The following DNM2 variants were observed in gnomAD, a reference collection of about 807,000 sequenced individuals.
DNM2 encodes the protein dynamin-2.
Under a neutral mutation model 99.0 loss-of-function variants are expected in DNM2, and 15 were observed. The observed-to-expected ratio is 0.15, with a 90% CI of 0.10 to 0.23. The LOEUF (loss-of-function observed/expected upper bound fraction) is 0.23, where lower values mean the gene tolerates loss of function less well. Among genes scored for constraint, DNM2 ranks in the 10% least tolerant of loss-of-function variants. The pLI, the probability that DNM2 is intolerant of heterozygous loss-of-function variation, is 1.00. For missense variants in DNM2, 742 were observed against 1,189.4 expected, an observed-to-expected ratio of 0.62 and a Z score of 5.53; for synonymous variants, 525 against 481.2, an observed-to-expected ratio of 1.09 and a Z score of -1.19.
At chr19:10,757,103 C>T (rs1298091351) in intron 1 of DNM2, among the ~76,000 whole-genome samples, 1 of 152,228 alleles carries the variant, frequency 6.6e-6, no homozygotes, top group Non-Finnish European at 1.5e-5. Flanking sequence ...CTGCCACCCT[C>T]AACCCCCCAG....
intron 1 of DNM2, among the ~76,000 whole-genome samples, chr19:10,737,487 T>G (rs987880638): frequency 3.3e-5 from 5 of 151,980 alleles, no homozygotes; most frequent in Non-Finnish European, 7.4e-5. Flanking sequence ...ATGCGTTTGG[T>G]TTCTTGTTTT....
chr19:10,771,243 G>A (rs760946635), intron 2 of DNM2, among the ~76,000 whole-genome samples: 3 of 152,180 alleles, frequency 2.0e-5, no homozygotes, highest in Admixed American at 1.3e-4. Context: ...GCCACCTTCC[G>A]TGATGAACAT....
chr19:10,729,164 CAAAAAAAAAAAAAAA>C (rs919370114), intron 1 of DNM2, among the ~76,000 whole-genome samples: 3 of 44,428 alleles, frequency 6.8e-5, no homozygotes, highest in East Asian at 9.9e-4. Context: ...GACTCCGTCT[CAAAAAAAAAAAAAAA>C]AAAAAAAAAA....
Position 10,776,049 on chromosome 19 carries a change from C to G in DNM2, c.589+143C>G, listed in dbSNP as rs1039079463. On this transcript the variant is annotated intron_variant, in intron 4 of 20. Coordinates refer to ENST00000389253, the MANE Select transcript of DNM2 (RefSeq NM_001005361.3). ...GGCCTCCTGGAACATGGCACTTCCT[C>G]CGAGAACCAGCAGTGCTGGTGGGCA... 3 of 1,091,474 alleles carry G rather than the reference C, an allele frequency of 2.7e-6. No individual in the cohort carries two copies. In the African/African-American group the frequency reaches 4.7e-5, roughly 17 times the overall value. 67.6% of individuals were successfully genotyped at this position (1,091,474 alleles called of 1,614,324 possible).
intron 5 of DNM2, among the ~76,000 whole-genome samples, chr19:10,778,317 G>A (rs561638852): frequency 6.6e-6 from 1 of 152,074 alleles, no homozygotes; most frequent in South Asian, 2.1e-4. Flanking sequence ...ACAGGTGTGA[G>A]CCACCGCACC....
chr19:10,777,194 C>T lies in DNM2; in HGVS notation c.666C>T (p.Asn222=), dbSNP rs2229921. 110 of 1,614,178 alleles carry T rather than the reference C, an allele frequency of 6.8e-5. 1 individual carries two copies. In the East Asian group the frequency reaches 1.7e-3, roughly 26 times the overall value. Residue 222 remains asparagine (N), a synonymous_variant, in exon 5 of 21, where the codon AAC becomes AAT. Transcript: ENST00000389253. ...EGTDARDVLE[N]KLLPLRRGYI... ...CCGACGCCAGGGACGTCTTGGAGAA[C>T]AAGTTGCTCCCGTTGAGAAGAGGTG...
At chr19:10,798,721 T>C in intron 11 of DNM2, 149 bp downstream of exon 11, 1 of 782,208 alleles carries the variant, frequency 1.3e-6, no homozygotes, top group Non-Finnish European at 2.2e-6. Context: ...CTAAAATCCC[T>C]GTCCCTATCA....
chr19:10,808,326 T>A (rs1265363515), intron 13 of DNM2, among the ~76,000 whole-genome samples: 4 of 152,178 alleles, frequency 2.6e-5, no homozygotes, highest in African/African-American at 7.2e-5. Context: ...GCGCTTGCCG[T>A]AGGTAATACA....
rs778429382 is a variant in DNM2 at position 10,765,237 on chromosome 19, C to T, written c.235+5426C>T. Among the ~76,000 whole-genome samples the T allele has an allele frequency of 4.6e-5, 7 of 152,316 alleles. No individual in the cohort carries two copies. In the South Asian group the frequency reaches 8.3e-4, roughly 18 times the overall value. ...CCTCCCAAAGTGCTGGGATTACAGG[C>T]GTGAGCCACCACGCCCGGCCTGTTT... On this transcript the variant is annotated intron_variant, in intron 2 of 20. Coordinates refer to ENST00000389253, the MANE Select transcript of DNM2 (RefSeq NM_001005361.3). The surrounding 1 kb of genome is among the most constrained non-coding windows in gnomAD (Gnocchi z 4.4).
Position 10,830,713 on chromosome 19 carries a change from G to A in DNM2, c.2544-265G>A, listed in dbSNP as rs1292558195. On this transcript the variant is annotated intron_variant, in intron 20 of 20. Transcript: ENST00000389253. This position sits in a 1 kb window ranked among gnomAD's most constrained non-coding sequence, Gnocchi z 4.8. Reference sequence around the variant, plus strand: ...CTGCTCCTGCCTGCCTCAACCTACCGTGGGCCAGGCTTTATTCTCCCCACT... The same window carrying A: ...CTGCTCCTGCCTGCCTCAACCTACCATGGGCCAGGCTTTATTCTCCCCACT... Among the ~76,000 whole-genome samples, 3 of 152,090 alleles carry A rather than the reference G, an allele frequency of 2.0e-5. No homozygotes were observed. Among genetic ancestry groups the A allele is most frequent in the East Asian group, 1.9e-4 (1 of 5,174 alleles).
rs2071977931 is a variant in DNM2 at position 10,797,470 on chromosome 19, T to C, written c.1287T>C (p.Asp429=). The stretch of plus-strand genomic sequence containing the variant: ...AAGAGCCGAGTTTGAAGTGTGTTGA[T>C]CTCGTGGTCTCAGAGCTGGCCACGG... ...KLKEPSLKCV[D]LVVSELATVI... is the part of the protein sequence containing the mutation. Residue 429 remains aspartate (D), a synonymous_variant, in exon 10 of 21, where the codon GAT becomes GAC. Coordinates refer to ENST00000389253, the MANE Select transcript of DNM2 (RefSeq NM_001005361.3). The C allele has an allele frequency of 6.2e-7, 1 of 1,614,000 alleles. No individual in the cohort carries two copies. The highest frequency in any genetic ancestry group is 1.7e-5 in the Admixed American group (1 of 60,018).
intron 1 of DNM2, among the ~76,000 whole-genome samples, chr19:10,733,398 G>T (rs1239915014): frequency 6.6e-6 from 1 of 150,996 alleles, no homozygotes; most frequent in Non-Finnish European, 1.5e-5. Flanking sequence ...TCTCCATGTT[G>T]CCCAGGCTGG....
At chr19:10,742,158 C>T (rs2069776469) in intron 1 of DNM2, among the ~76,000 whole-genome samples, 2 of 152,098 alleles carry the variant, frequency 1.3e-5, no homozygotes, top group Non-Finnish European at 2.9e-5. Flanking sequence ...AGTTTTTCCC[C>T]TCCTGCCAGA....
chr19:10,798,889 A>G (rs938499659), intron 11 of DNM2, among the ~76,000 whole-genome samples: 3 of 152,176 alleles, frequency 2.0e-5, no homozygotes, highest in Non-Finnish European at 4.4e-5. Flanking sequence ...GTCACCTCCT[A>G]AAATCCCTGT....
chr19:10,752,341 TCTC>T (rs1478825233), intron 1 of DNM2, among the ~76,000 whole-genome samples: 5 of 152,294 alleles, frequency 3.3e-5, no homozygotes, highest in Admixed American at 6.5e-5. Context: ...AAAGTCACCT[TCTC>T]CTGCCTGTGC....
chr19:10,820,477 G>C lies in DNM2; in HGVS notation c.1781+388G>C, dbSNP rs1364746728. Among the ~76,000 whole-genome samples the C allele has an allele frequency of 6.6e-6, 1 of 152,256 alleles. No individual in the cohort carries two copies. The highest frequency in any genetic ancestry group is 2.1e-4 in the South Asian group (1 of 4,832). ...TGCCTTGTCCAAGTGGGCGATGATG[G>C]GGCCAGAACCCATAGGGAAGGAGGG... On this transcript the variant is annotated intron_variant, in intron 16 of 20. Coordinates refer to ENST00000389253, the MANE Select transcript of DNM2 (RefSeq NM_001005361.3). The surrounding 1 kb of genome is among the most constrained non-coding windows in gnomAD (Gnocchi z 4.3).
At position 10,817,745 on chromosome 19, in the gene DNM2, G is replaced by T. The variant is rs2072804316; in HGVS notation, c.1672-2235G>T. ...TTTGGGATCGTGGCTTCTGGGCTCAGGAGGAATGTCTGACTCTTTGGGGGT... is the reference window on the plus strand; with the variant it reads ...TTTGGGATCGTGGCTTCTGGGCTCATGAGGAATGTCTGACTCTTTGGGGGT... On this transcript the variant is annotated intron_variant, in intron 15 of 20. Transcript: ENST00000389253. The surrounding 1 kb of genome is among the most constrained non-coding windows in gnomAD (Gnocchi z 4.6). 1.5e-5 allele frequency among the ~76,000 whole-genome samples: 2 copies of T among 137,034 alleles called. No individual in the cohort carries two copies. The highest frequency in any genetic ancestry group is 3.2e-5 in the Non-Finnish European group (2 of 63,062). The allele number at this position is 137,034 out of a possible 152,430, so 89.9% of individuals were successfully genotyped here.
intron 5 of DNM2, among the ~76,000 whole-genome samples, chr19:10,778,207 G>A (rs995095990): frequency 2.5e-4 from 38 of 151,500 alleles, no homozygotes; most frequent in African/African-American, 8.5e-4. Context: ...GCTAATTTTT[G>A]TATTTTTAAT....
chr19:10,818,617 G>T lies in DNM2; in HGVS notation c.1672-1363G>T, dbSNP rs2072858920. Among the ~76,000 whole-genome samples the T allele has an allele frequency of 6.6e-6, 1 of 152,220 alleles. No homozygotes were observed. The highest frequency in any genetic ancestry group is 2.4e-5 in the African/African-American group (1 of 41,476). On this transcript the variant is annotated intron_variant, in intron 15 of 20. Coordinates refer to ENST00000389253, the MANE Select transcript of DNM2 (RefSeq NM_001005361.3). The surrounding 1 kb of genome is among the most constrained non-coding windows in gnomAD (Gnocchi z 4.3). The stretch of plus-strand genomic sequence containing the variant: ...CCCTTGCAAAGTCCTGACAGTCCCA[G>T]CTGGCCCCCACTTGCCAGGGAGCCC...
Sources: allele counts gnomAD v4.1 joint callset (sites outside exome capture counted in the v4.1 genomes callset), GRCh38; gene constraint gnomAD v4.1.1; non-coding constraint Gnocchi (gnomAD v3.1); transcripts MANE v1.5; gene names NCBI Gene and HGNC (gene_info 2026-07-23, HGNC 2026-07-21).